MARF1: variants seen among roughly 807,000 people sequenced by gnomAD.
MARF1 encodes meiosis regulator and mRNA stability factor 1.
A neutral mutation model predicts 168.2 loss-of-function variants in MARF1; 24 were observed. The observed-to-expected ratio is 0.14, with a 90% CI of 0.10 to 0.20. The LOEUF is 0.20. Among genes scored for constraint, MARF1 ranks in the 10% least tolerant of loss-of-function variants. MARF1 has a pLI of 1.00. For missense variants in MARF1, 1,744 were observed against 2,143.6 expected (o/e 0.81, Z 3.68); for synonymous variants, 868 against 822.4 (o/e 1.06, Z -0.95).
intron 1 of MARF1, among the ~76,000 whole-genome samples, chr16:15,641,199 C>G (rs957565598): frequency 2.0e-5 from 3 of 152,146 alleles, no homozygotes; most frequent in Non-Finnish European, 4.4e-5. Flanking sequence ...ATAAATGAAC[C>G]CCACTGTCTA....
rs773828747 is a variant in MARF1, at chr16:15,600,491, G to A, written c.4750C>T (p.Arg1584Cys). 25 of 1,614,048 alleles carry A rather than the reference G, an allele frequency of 1.5e-5. No homozygotes were observed. Among genetic ancestry groups the A allele is most frequent in the Non-Finnish European group, 2.1e-5 (25 of 1,180,044 alleles). ...TGCGATTCGGGCACCTCCAGGATGC[G>A]CTCGCCCTCCGAGGGCTGGTTTTCA... is the stretch of plus-strand genomic sequence containing the variant. ...NHENQPSEGE[R>C]ILEVPESHTA... Residue 1584 changes from arginine (R) to cysteine (C), a missense_variant, in exon 25 of 27, where the codon CGC becomes TGC. Around this residue, in one of 7 missense-constraint regions of MARF1, gnomAD observed 313 missense variants for 337.4 expected, o/e 0.93. Coordinates refer to ENST00000396368, the MANE Select transcript of MARF1 (RefSeq NM_014647.4).
intron 26 of MARF1, among the ~76,000 whole-genome samples, chr16:15,598,273 C>G (rs1322969179): frequency 2.0e-5 from 3 of 152,154 alleles, no homozygotes; most frequent in Non-Finnish European, 4.4e-5. Flanking sequence ...AAGCAGCTGC[C>G]TTTATTCCAC....
At chr16:15,601,092 A>G (rs2032376010) in intron 23 of MARF1, 1 of 481,504 alleles carries the variant, frequency 2.1e-6, no homozygotes, top group Non-Finnish European at 4.1e-6. Flanking sequence ...CCTTTAAACT[A>G]AGTTCATTAT....
At position 15,625,606 on chromosome 16, in the gene MARF1, G is replaced by A. The variant is rs1375064888; in HGVS notation, c.1719C>T (p.Val573=). 6.2e-7 allele frequency: 1 copy of A among 1,614,182 alleles called. No individual in the cohort carries two copies. The highest frequency in any genetic ancestry group is 1.1e-5 in the South Asian group (1 of 91,088). ...RAQKRMENED[V]FGNRIIVSFT... is the part of the protein sequence containing the mutation. Reference sequence around the variant, plus strand: ...ATGACACAATGATCCTATTACCAAAGACATCTTCGTTTTCCATTCGCTTCT... The same window carrying A: ...ATGACACAATGATCCTATTACCAAAAACATCTTCGTTTTCCATTCGCTTCT... The change falls in exon 8 of 27, where the codon GTC becomes GTT. Residue 573 remains valine, a synonymous_variant. Transcript: ENST00000396368.
Position 15,620,434 on chromosome 16 carries a change from A to T in MARF1, c.2720+17T>A. On this transcript the variant is annotated intron_variant, in intron 13 of 26. Coordinates refer to ENST00000396368, the MANE Select transcript of MARF1 (RefSeq NM_014647.4). ...AATCAGTACTGACTGGATAAAGAAA[A>T]AATATACCTAACTTACTTTTTTTCA... The T allele has an allele frequency of 6.4e-7, 1 of 1,568,812 alleles. No homozygotes were observed. The highest frequency in any genetic ancestry group is 8.8e-7 in the Non-Finnish European group (1 of 1,140,478).
At chr16:15,620,198 A>C (rs1032329071) in intron 13 of MARF1, among the ~76,000 whole-genome samples, 13 of 152,130 alleles carry the variant, frequency 8.5e-5, no homozygotes, top group Admixed American at 5.2e-4. Context: ...ACAAACAAAA[A>C]AAACAAACTA....
intron 7 of MARF1, among the ~76,000 whole-genome samples, chr16:15,629,888 G>A (rs995639631): frequency 6.6e-5 from 10 of 152,164 alleles, no homozygotes; most frequent in African/African-American, 1.4e-4. Flanking sequence ...TCAGAGGCCC[G>A]CTGAAGCTTA....
At chr16:15,632,358 G>A (rs1250829010) in intron 5 of MARF1, among the ~76,000 whole-genome samples, 1 of 152,168 alleles carries the variant, frequency 6.6e-6, no homozygotes, top group Non-Finnish European at 1.5e-5. Context: ...TCTGCCTTTT[G>A]TTGTTGTTTT....
At chr16:15,626,960 T>TGG (rs1555528249) in intron 7 of MARF1, among the ~76,000 whole-genome samples, 1 of 55,068 alleles carries the variant, frequency 1.8e-5, no homozygotes, top group Admixed American at 2.3e-4. Context: ...CGAGATTCTG[T>TGG]GAAAAAAAAA....
At chr16:15,630,990 C>A (rs1413481055) in intron 6 of MARF1, among the ~76,000 whole-genome samples, 1 of 151,940 alleles carries the variant, frequency 6.6e-6, no homozygotes, top group African/African-American at 2.4e-5. Context: ...ATTAGCTGGG[C>A]GTGGTGGAAC....
intron 25 of MARF1, among the ~76,000 whole-genome samples, chr16:15,599,627 T>G (rs1197793570): frequency 1.3e-5 from 2 of 152,176 alleles, no homozygotes; most frequent in African/African-American, 2.4e-5. Flanking sequence ...AAGACAAAAT[T>G]CTCACCTATA....
At chr16:15,636,607 A>G (rs994055285) in intron 2 of MARF1, among the ~76,000 whole-genome samples, 4 of 152,202 alleles carry the variant, frequency 2.6e-5, no homozygotes, top group African/African-American at 9.6e-5. Flanking sequence ...GGGCCTGTTT[A>G]CATCTTTAGC....
chr16:15,634,183 C>T (rs2035435086), intron 4 of MARF1, among the ~76,000 whole-genome samples: 1 of 152,164 alleles, frequency 6.6e-6, no homozygotes, highest in African/African-American at 2.4e-5. Context: ...TACTGCAGCT[C>T]CAGGACCCGA....
At chr16:15,641,160 C>A (rs1255891400) in intron 1 of MARF1, among the ~76,000 whole-genome samples, 1 of 152,098 alleles carries the variant, frequency 6.6e-6, no homozygotes, top group Non-Finnish European at 1.5e-5. Context: ...TTCTCCCCGC[C>A]ACTGCATTAC....
rs1567531414 is a variant in MARF1 at position 15,602,619 on chromosome 16, G to GA, written c.4414-417dup. ...AAGACAAAGAAGAAGAAAGGAGGAG[G>GA]AGGAAGGAAAGAAGGAAGAGGAGAA... On this transcript the variant is annotated intron_variant, in intron 22 of 26. Coordinates refer to ENST00000396368, the MANE Select transcript of MARF1 (RefSeq NM_014647.4). 3.8e-4 allele frequency: 45 copies of GA among 119,682 alleles called. No individual in the cohort carries two copies. The African/African-American group carries it at 7.5e-3, about 20-fold the overall frequency. 7.4% of individuals were successfully genotyped at this position (119,682 alleles called of 1,614,324 possible). A position where few individuals can be genotyped will look rare whatever the true frequency, so the allele number is the denominator to read the frequency against.
chr16:15,627,391 G>A (rs924994243), intron 7 of MARF1, among the ~76,000 whole-genome samples: 1 of 152,076 alleles, frequency 6.6e-6, no homozygotes, highest in African/African-American at 2.4e-5. Flanking sequence ...AGGCCAAAGC[G>A]GGTGATCACC....
intron 19 of MARF1, chr16:15,610,469 T>G (rs2033428412): frequency 6.5e-6 from 1 of 153,004 alleles, no homozygotes; most frequent in Admixed American, 6.5e-5. Flanking sequence ...TGGCCCCCAG[T>G]ATCCATGAGT....
At chr16:15,606,495 C>G (rs1290383763) in intron 21 of MARF1, among the ~76,000 whole-genome samples, 2 of 152,124 alleles carry the variant, frequency 1.3e-5, no homozygotes, top group Admixed American at 1.3e-4. Flanking sequence ...CTCACCATGA[C>G]AACTGTGGAC....
chr16:15,636,298 A>G lies in MARF1; in HGVS notation c.189T>C (p.Asp63=). Residue 63 remains aspartate, a synonymous_variant, in exon 3 of 27, where the codon GAT becomes GAC. Coordinates refer to ENST00000396368, the MANE Select transcript of MARF1 (RefSeq NM_014647.4). ...AGCCAGCATGAAGGGGTGATGGTACATCCTTTAGTTCCACAGCAACTTTCT... is the reference window on the plus strand; with the variant it reads ...AGCCAGCATGAAGGGGTGATGGTACGTCCTTTAGTTCCACAGCAACTTTCT... ...ENKKVAVELK[D]VPSPLHAGSK... 1 of 1,594,750 alleles carries G rather than the reference A, an allele frequency of 6.3e-7. No individual in the cohort carries two copies. The highest frequency in any genetic ancestry group is 1.3e-5 in the African/African-American group (1 of 74,380).
Sources: allele counts gnomAD v4.1 joint callset (sites outside exome capture counted in the v4.1 genomes callset), GRCh38; gene constraint gnomAD v4.1.1; regional missense constraint gnomAD v4.1.1; transcripts MANE v1.5; gene names NCBI Gene and HGNC (gene_info 2026-07-23, HGNC 2026-07-21).